Variants in UBE2K observed in about 807,000 individuals in gnomAD.
UBE2K encodes the protein ubiquitin conjugating enzyme E2 K.
In UBE2K, 6 loss-of-function variants were observed where a neutral mutation model predicts 30.0. The ratio of observed to expected loss-of-function variants is 0.20; its 90% confidence interval spans 0.11 to 0.39. The LOEUF (loss-of-function observed/expected upper bound fraction) is 0.39. UBE2K is among the 10% of genes least tolerant of loss of function. UBE2K has a pLI of 1.00. For synonymous variants in UBE2K, 86 were observed against 83.7 expected (o/e 1.03, Z -0.15); for missense variants, 61 against 241.6 (o/e 0.25, Z 4.96).
intron 4 of UBE2K, among the ~76,000 whole-genome samples, chr4:39,762,231 T>A (rs1310991836): frequency 6.6e-6 from 1 of 150,764 alleles, no homozygotes; most frequent in Non-Finnish European, 1.5e-5. Flanking sequence ...TTATTTTATT[T>A]ATTTACTTAT....
At chr4:39,704,631 C>A (rs1311978444) in intron 1 of UBE2K, among the ~76,000 whole-genome samples, 2 of 152,010 alleles carry the variant, frequency 1.3e-5, no homozygotes, top group African/African-American at 4.8e-5. Flanking sequence ...CCTTGAACTC[C>A]CCAGGCTTAG....
chr4:39,727,607 A>G (rs1224823622), intron 1 of UBE2K, among the ~76,000 whole-genome samples: 1 of 150,154 alleles, frequency 6.7e-6, no homozygotes, highest in Non-Finnish European at 1.5e-5. Flanking sequence ...AAGGATAGAG[A>G]TGGGCTGGTC....
intron 1 of UBE2K, 50 bp from the exon 2 acceptor site, chr4:39,737,370 G>T (rs1346766479): frequency 3.5e-6 from 4 of 1,137,330 alleles, no homozygotes; most frequent in Non-Finnish European, 5.0e-6. Context: ...AATACTTTAG[G>T]CGTTTTTCTT....
intron 4 of UBE2K, among the ~76,000 whole-genome samples, chr4:39,765,164 C>T (rs1478259778): frequency 6.6e-6 from 1 of 152,174 alleles, no homozygotes; most frequent in Non-Finnish European, 1.5e-5. Context: ...GGATTATAGG[C>T]GTGAGCCACT....
rs1713193781 is a variant in UBE2K at position 39,774,882 on chromosome 4, A to G, written c.348A>G (p.Leu116=). The G allele has an allele frequency of 6.2e-7, 1 of 1,606,578 alleles. No homozygotes were observed. Among genetic ancestry groups the G allele is most frequent in the African/African-American group, 1.3e-5 (1 of 74,922 alleles). The change falls in exon 5 of 7, where the codon CTA becomes CTG. Residue 116 remains leucine (L), a synonymous_variant. Transcript: ENST00000261427. ...CGGTATTATTGTCATTGCAAGCACTATTGGCAGCTGCAGAGCCAGATGATC... is the reference window on the plus strand; with the variant it reads ...CGGTATTATTGTCATTGCAAGCACTGTTGGCAGCTGCAGAGCCAGATGATC... The part of the protein sequence containing the change: ...LRTVLLSLQA[L]LAAAEPDDPQ...
At chr4:39,746,282 CTG>C (rs1345621204) in intron 3 of UBE2K, among the ~76,000 whole-genome samples, 2 of 152,172 alleles carry the variant, frequency 1.3e-5, no homozygotes, top group Middle Eastern at 3.4e-3. Context: ...GGAAAAAAAA[CTG>C]AGCATGGAAT....
rs542812590 is a variant in UBE2K, at chr4:39,720,888, T to G, written c.64-16532T>G. Reference sequence around the variant, plus strand: ...CCTTCCGAGTAGCTAGTACTACAGGTAGACACCACTGTGCCCAGTTAATTA... The same window carrying G: ...CCTTCCGAGTAGCTAGTACTACAGGGAGACACCACTGTGCCCAGTTAATTA... On this transcript the variant is annotated intron_variant, in intron 1 of 6. Coordinates refer to ENST00000261427, the MANE Select transcript of UBE2K (RefSeq NM_005339.5). Among the ~76,000 whole-genome samples, 9 of 152,084 alleles carry G rather than the reference T, an allele frequency of 5.9e-5. No homozygotes were observed. The South Asian group carries it at 1.9e-3, about 32-fold the overall frequency.
chr4:39,777,611 C>A, intron 5 of UBE2K, 71 bp from the exon 6 acceptor site: 2 of 1,314,964 alleles, frequency 1.5e-6, no homozygotes, highest in South Asian at 1.7e-5. Context: ...GGATTGTAGG[C>A]GATTAAGAGC....
intron 3 of UBE2K, among the ~76,000 whole-genome samples, chr4:39,746,064 A>C (rs547296288): frequency 4.6e-5 from 7 of 152,176 alleles, no homozygotes; most frequent in East Asian, 1.9e-4. Context: ...AATGGCTCAT[A>C]TACTAGATCT....
chr4:39,712,288 G>T (rs181970863), intron 1 of UBE2K, among the ~76,000 whole-genome samples: 1 of 126,778 alleles, frequency 7.9e-6, no homozygotes. Context: ...TGCAAGCTCC[G>T]CCTCCTGGGT....
intron 4 of UBE2K, among the ~76,000 whole-genome samples, chr4:39,757,151 G>A (rs1407349543): frequency 2.0e-5 from 3 of 151,502 alleles, no homozygotes; most frequent in Non-Finnish European, 2.9e-5. Flanking sequence ...TTAGCCTCCC[G>A]AGTAGCTGGG....
chr4:39,773,522 T>TA, intron 4 of UBE2K, among the ~76,000 whole-genome samples: 1 of 152,094 alleles, frequency 6.6e-6, no homozygotes, highest in East Asian at 1.9e-4. Context: ...GTATCTTGTT[T>TA]TTAGAGTGCC....
At chr4:39,703,752 C>G (rs931027316) in intron 1 of UBE2K, among the ~76,000 whole-genome samples, 7 of 148,768 alleles carry the variant, frequency 4.7e-5, no homozygotes, top group African/African-American at 1.5e-4. Context: ...GAGGCTGAGG[C>G]AGGAGAATTG....
Position 39,704,027 on chromosome 4 carries a change from C to T in UBE2K, c.63+5637C>T, listed in dbSNP as rs568677619. ...TTAGTGTTTTTCTTTTAAAATTTCT[C>T]GCTTTTGATTTTAATAAAAAGGTAA... is the stretch of plus-strand genomic sequence containing the variant. On this transcript the variant is annotated intron_variant, in intron 1 of 6. Transcript: ENST00000261427. Among the ~76,000 whole-genome samples, 28 of 151,734 alleles carry T rather than the reference C, an allele frequency of 1.8e-4. 1 individual carries two copies. Among genetic ancestry groups the T allele is most frequent in the Admixed American group, 1.1e-3 (16 of 15,218 alleles).
chr4:39,756,977 T>G (rs993606906), intron 4 of UBE2K, among the ~76,000 whole-genome samples: 2 of 151,622 alleles, frequency 1.3e-5, no homozygotes, highest in African/African-American at 4.8e-5. Context: ...GTACTAGAAT[T>G]TTTAAGCTAT....
chr4:39,713,286 A>ATT lies in UBE2K; in HGVS notation c.63+14911_63+14912dup, dbSNP rs56104487. 1.7e-4 allele frequency among the ~76,000 whole-genome samples: 14 copies of ATT among 83,580 alleles called. 1 individual carries two copies. The highest frequency in any genetic ancestry group is 4.9e-4 in the African/African-American group (9 of 18,548). The allele number at this position is 83,580 out of a possible 152,430, so 54.8% of individuals were successfully genotyped here. A position where few individuals can be genotyped will look rare whatever the true frequency, so the allele number is the denominator to read the frequency against. On this transcript the variant is annotated intron_variant, in intron 1 of 6. Coordinates refer to ENST00000261427, the MANE Select transcript of UBE2K (RefSeq NM_005339.5). Reference sequence around the variant, plus strand: ...TAGTTTTCTCCTTCTTCTGTAGGAAATTTTTTTTTTTTTTTTGAGACAGTT... The same window carrying ATT: ...TAGTTTTCTCCTTCTTCTGTAGGAAATTTTTTTTTTTTTTTTTTGAGACAGTT...
chr4:39,772,629 T>C (rs769129487), intron 4 of UBE2K, among the ~76,000 whole-genome samples: 4 of 151,872 alleles, frequency 2.6e-5, no homozygotes, highest in African/African-American at 4.8e-5. Context: ...GCATTCTCTT[T>C]ACATGTAACA....
intron 4 of UBE2K, among the ~76,000 whole-genome samples, chr4:39,764,721 C>T (rs150596072): frequency 8.2e-4 from 124 of 151,612 alleles, no homozygotes; most frequent in Middle Eastern, 3.5e-3. Flanking sequence ...AGCCACTGCC[C>T]CCGGCTGATT....
chr4:39,741,097 T>TC (rs1447187042), intron 2 of UBE2K, among the ~76,000 whole-genome samples: 1 of 151,670 alleles, frequency 6.6e-6, no homozygotes, highest in Admixed American at 6.6e-5. Flanking sequence ...GTGGTGAAAC[T>TC]CCATCTCTAC....
Sources: allele counts gnomAD v4.1 joint callset (sites outside exome capture counted in the v4.1 genomes callset), GRCh38; gene constraint gnomAD v4.1.1; transcripts MANE v1.5; gene names NCBI Gene and HGNC (gene_info 2026-07-23, HGNC 2026-07-21).